The following PUS7L variants were observed in gnomAD, a reference collection of about 807,000 sequenced individuals.
PUS7L encodes pseudouridine synthase 7 like, also known as pseudouridylate synthase PUS7L.
A neutral mutation model predicts 51.1 loss-of-function variants in PUS7L; 49 were observed. That is an observed-to-expected ratio of 0.96 (90% CI 0.76 to 1.22). The LOEUF (loss-of-function observed/expected upper bound fraction) is 1.22, where lower values mean the gene tolerates loss of function less well. Among genes scored for constraint, PUS7L ranks in the 50% most tolerant of loss-of-function variants. The pLI, the probability that PUS7L is intolerant of heterozygous loss-of-function variation, is 0.00. For synonymous variants in PUS7L, 277 were observed against 276.2 expected, an observed-to-expected ratio of 1.00 and a Z score of -0.03; for missense variants, 828 against 820.6, an observed-to-expected ratio of 1.01 and a Z score of -0.11.
chr12:43,739,434 T>C (rs2137692977), intron 5 of PUS7L: 1 of 152,374 alleles, frequency 6.6e-6, no homozygotes, highest in South Asian at 2.1e-4. Flanking sequence ...CACAAATATC[T>C]TTTTTGTTTG....
chr12:43,746,278 A>G, intron 3 of PUS7L, 40 bp from the exon 4 acceptor site: 2 of 888,718 alleles, frequency 2.3e-6, no homozygotes, highest in Non-Finnish European at 1.7e-6. Context: ...TAAATTTTAC[A>G]TTTAAAAATT....
Position 43,736,402 on chromosome 12 carries a change from GTCA to G in PUS7L, c.1701_1703del (p.Asp568del), listed in dbSNP as rs1371099088. 1.2e-6 allele frequency: 2 copies of G among 1,613,644 alleles called. No homozygotes were observed. The highest frequency in any genetic ancestry group is 4.5e-5 in the East Asian group (2 of 44,870). On this transcript the variant is annotated inframe_deletion, in exon 7 of 9. Transcript: ENST00000344862. Reference sequence around the variant, plus strand: ...TTACTTTACTATTTGGGAAATTCTCGTCATCAATGTCTTCATCCAAACAGACCA... The same window carrying G: ...TTACTTTACTATTTGGGAAATTCTCGTCAATGTCTTCATCCAAACAGACCA...
In PUS7L at chr12:43,721,306, G is replaced by A. The variant is rs1592151343; in HGVS notation, c.*9070C>T. The A allele has an allele frequency of 6.6e-6, 1 of 152,158 alleles. No individual in the cohort carries two copies. The highest frequency in any genetic ancestry group is 2.4e-5 in the African/African-American group (1 of 41,432). 9.4% of individuals were successfully genotyped at this position (152,158 alleles called of 1,614,324 possible). On this transcript the variant is annotated 3_prime_UTR_variant, in exon 9 of 9. Coordinates refer to ENST00000344862, the MANE Select transcript of PUS7L (RefSeq NM_031292.5). The stretch of plus-strand genomic sequence containing the variant: ...AATCCTCATTTGTTAAATGAGACTA[G>A]TTATCATACCTGACAGCTTGTTCTA...
rs575760468 is a variant in PUS7L at position 43,723,179 on chromosome 12, A to G, written c.*7197T>C. On this transcript the variant is annotated 3_prime_UTR_variant, in exon 9 of 9. Transcript: ENST00000344862. ...ATTTTTCTTTTGTAAGAGATGGCCT[A>G]TGTACACAGGCAGAGTAAATTAACT... 2.6e-5 allele frequency: 4 copies of G among 152,252 alleles called. No individual in the cohort carries two copies. In the South Asian group the frequency reaches 8.3e-4, roughly 32 times the overall value. The allele number at this position is 152,252 out of a possible 1,614,324, so 9.4% of individuals were successfully genotyped here. A position where few individuals can be genotyped will look rare whatever the true frequency, so the allele number is the denominator to read the frequency against.
Position 43,730,023 on chromosome 12 carries a change from A to T in PUS7L, c.*353T>A, listed in dbSNP as rs187423063. ...AATTTTACTAGTGTTCTAAGCAAGG[A>T]GCTGGAGGATATGAATATTCACAAC... On this transcript the variant is annotated 3_prime_UTR_variant, in exon 9 of 9. Coordinates refer to ENST00000344862, the MANE Select transcript of PUS7L (RefSeq NM_031292.5). 5.9e-4 allele frequency: 109 copies of T among 184,586 alleles called. No homozygotes were observed. Among genetic ancestry groups the T allele is most frequent in the Non-Finnish European group, 4.2e-4 (37 of 87,218 alleles). 11.4% of individuals were successfully genotyped at this position (184,586 alleles called of 1,614,324 possible).
At chr12:43,734,788 TGGG>T (rs1172058332) in intron 7 of PUS7L, among the ~76,000 whole-genome samples, 2 of 152,128 alleles carry the variant, frequency 1.3e-5, no homozygotes, top group Non-Finnish European at 2.9e-5. Context: ...TTCTATAAAA[TGGG>T]AATTAAAAAA....
rs184423371 is a variant in PUS7L at position 43,747,418 on chromosome 12, G to A, written c.1070+1032C>T. Among the ~76,000 whole-genome samples, 9 of 152,236 alleles carry A rather than the reference G, an allele frequency of 5.9e-5. No homozygotes were observed. The East Asian group carries it at 1.7e-3, about 29-fold the overall frequency. The stretch of plus-strand genomic sequence containing the variant: ...CATATATATAATAAATGTTGGCTGG[G>A]TGCAGTGGCTTATGCCTGTAATCCC... On this transcript the variant is annotated intron_variant, in intron 3 of 8. Coordinates refer to ENST00000344862, the MANE Select transcript of PUS7L (RefSeq NM_031292.5).
Position 43,754,956 on chromosome 12 carries a change from C to A in PUS7L, c.290G>T (p.Gly97Val). Residue 97 changes from glycine to valine, a missense_variant, in exon 2 of 9, where the codon GGT (glycine) becomes GTT (valine). Gly to Val is a moderately radical substitution (Grantham distance 109). Coordinates refer to ENST00000344862, the MANE Select transcript of PUS7L (RefSeq NM_031292.5). ...EVHTLIKYTD[G>V]DQNHQSGSEK... Reference sequence around the variant, plus strand: ...TGAACCAGACTGATGATTTTGGTCACCATCAGTGTACTTAATCAAAGTATG... The same window carrying A: ...TGAACCAGACTGATGATTTTGGTCAACATCAGTGTACTTAATCAAAGTATG... The A allele has an allele frequency of 2.5e-6, 4 of 1,613,712 alleles. No individual in the cohort carries two copies. The highest frequency in any genetic ancestry group is 3.4e-6 in the Non-Finnish European group (4 of 1,179,716).
At position 43,754,808 on chromosome 12, in the gene PUS7L, C is replaced by T. The variant is rs1247228505; in HGVS notation, c.438G>A (p.Glu146=). The change falls in exon 2 of 9, where the codon GAG becomes GAA. Residue 146 remains glutamate (E), a synonymous_variant. Transcript: ENST00000344862. ...TTAGCTCTGTTTTAGAAAGCCACTT[C>T]TCTCTTACATCACAGGCAAAATTAT... is the stretch of plus-strand genomic sequence containing the variant. ...LLNNFACDVR[E]KWLSKTELIG... 1.2e-6 allele frequency: 2 copies of T among 1,613,760 alleles called. No homozygotes were observed. Among genetic ancestry groups the T allele is most frequent in the African/African-American group, 2.7e-5 (2 of 74,932 alleles).
At chr12:43,758,657 C>G in intron 1 of PUS7L, 73 bp downstream of exon 1, 1 of 653,552 alleles carries the variant, frequency 1.5e-6, no homozygotes, top group South Asian at 8.3e-5. Flanking sequence ...CCTCGTCACC[C>G]CCCCCCCCCA....
intron 2 of PUS7L, among the ~76,000 whole-genome samples, chr12:43,753,630 G>C (rs1468370560): frequency 6.6e-6 from 1 of 152,060 alleles, no homozygotes; most frequent in Non-Finnish European, 1.5e-5. Flanking sequence ...TAGTCAGCTG[G>C]ACTTTTACAG....
chr12:43,758,652 T>TGGGGGGGGGGGGGGG, intron 1 of PUS7L, 78 bp downstream of exon 1: 1 of 708,226 alleles, frequency 1.4e-6, no homozygotes, highest in Non-Finnish European at 1.6e-6. Context: ...GCCAACCTCG[T>TGGGGGGGGGGGGGGG]CACCCCCCCC....
chr12:43,735,008 A>G (rs771700685), intron 7 of PUS7L, among the ~76,000 whole-genome samples: 1 of 152,206 alleles, frequency 6.6e-6, no homozygotes, highest in Non-Finnish European at 1.5e-5. Flanking sequence ...ATTAGTTCAA[A>G]CTCACAGAGA....
chr12:43,746,844 C>T (rs1318518274), intron 3 of PUS7L, among the ~76,000 whole-genome samples: 2 of 152,114 alleles, frequency 1.3e-5, no homozygotes, highest in African/African-American at 2.4e-5. Flanking sequence ...TAGTTTTTTG[C>T]GTCTGCTAAA....
In PUS7L at chr12:43,755,274, A is replaced by G; in HGVS notation, c.-16-13T>C. The G allele has an allele frequency of 6.7e-7, 1 of 1,488,684 alleles. No individual in the cohort carries two copies. Among genetic ancestry groups the G allele is most frequent in the Non-Finnish European group, 9.1e-7 (1 of 1,104,660 alleles). The allele number at this position is 1,488,684 out of a possible 1,614,324, so 92.2% of individuals were successfully genotyped here. On this transcript the variant is annotated splice_polypyrimidine_tract_variant and intron_variant, in intron 1 of 8. Transcript: ENST00000344862. ...TCTATAACAGTGCCTAGAAAACAAA[A>G]CAAAGAGGTGGTTAGTTAACAGAAA...
At position 43,723,221 on chromosome 12, in the gene PUS7L, T is replaced by A. The variant is rs543153482; in HGVS notation, c.*7155A>T. 3 of 152,274 alleles carry A rather than the reference T, an allele frequency of 2.0e-5. No homozygotes were observed. The highest frequency in any genetic ancestry group is 7.2e-5 in the African/African-American group (3 of 41,590). 9.4% of individuals were successfully genotyped at this position (152,274 alleles called of 1,614,324 possible). On this transcript the variant is annotated 3_prime_UTR_variant, in exon 9 of 9. Transcript: ENST00000344862. ...AAATTAACTCCTGCCTCAAAGTTGC[T>A]GAGAAAATGAATTGCTTAAGAAGAT...
intron 4 of PUS7L, 38 bp from the exon 5 acceptor site, chr12:43,742,593 A>C (rs765436827): frequency 1.3e-6 from 2 of 1,516,902 alleles, no homozygotes; most frequent in Non-Finnish European, 1.8e-6. Context: ...AAGAGTATAT[A>C]AATACAATTA....
rs530917726 is a variant in PUS7L, at chr12:43,722,289, T to C, written c.*8087A>G. 11 of 152,258 alleles carry C rather than the reference T, an allele frequency of 7.2e-5. No homozygotes were observed. The East Asian group carries it at 2.1e-3, about 29-fold the overall frequency. 9.4% of individuals were successfully genotyped at this position (152,258 alleles called of 1,614,324 possible). ...ACTGGAAAGCTTCTGAAATGTTCTA[T>C]GGCCCCAAAACAATGACATTTCTAC... On this transcript the variant is annotated 3_prime_UTR_variant, in exon 9 of 9. Transcript: ENST00000344862.
At chr12:43,736,739 A>C in intron 6 of PUS7L, 78 bp from the exon 7 acceptor site, 107 of 1,295,706 alleles carry the variant, frequency 8.3e-5, no homozygotes, top group Middle Eastern at 2.0e-4. Flanking sequence ...TTCTAATCTC[A>C]AACTGAGGCA....
Sources: gnomAD v4.1 joint callset for allele counts (sites outside exome capture counted in the v4.1 genomes callset) on GRCh38, gnomAD v4.1.1 for gene constraint, MANE v1.5 for transcripts, NCBI Gene and HGNC (gene_info 2026-07-23, HGNC 2026-07-21) for gene names.